The following JAZF1 variants were observed in gnomAD, a reference collection of about 807,000 sequenced individuals.
JAZF1 encodes juxtaposed with another zinc finger protein 1.
In JAZF1, 8 loss-of-function variants were observed where a neutral mutation model predicts 26.4. The ratio of observed to expected loss-of-function variants is 0.30; its 90% CI spans 0.18 to 0.55. The LOEUF is 0.55. Ranked by LOEUF, JAZF1 falls within the 20% of genes least tolerant of loss-of-function variation. The pLI is 0.94. For synonymous variants in JAZF1, 126 were observed against 122.3 expected (o/e 1.03, Z -0.20); for missense variants, 199 against 322.0 (o/e 0.62, Z 2.92).
intron 4 of JAZF1, among the ~76,000 whole-genome samples, chr7:27,836,371 A>G (rs978995382): frequency 4.6e-5 from 7 of 152,180 alleles, no homozygotes; most frequent in Non-Finnish European, 8.8e-5. Flanking sequence ...AGGCCAGTCA[A>G]TAGACAGCAG....
intron 1 of JAZF1, among the ~76,000 whole-genome samples, chr7:28,070,944 CAG>C (rs1783965798): frequency 1.3e-5 from 2 of 152,170 alleles, no homozygotes; most frequent in African/African-American, 4.8e-5. Context: ...ACACACAGAG[CAG>C]ACATTCAATA....
chr7:28,034,467 A>AACACAC (rs1783249785), intron 1 of JAZF1, among the ~76,000 whole-genome samples: 1 of 16,944 alleles, frequency 5.9e-5, no homozygotes, highest in Non-Finnish European at 1.3e-4. Context: ...AAAGAAAACT[A>AACACAC]ATACACACAC....
intron 3 of JAZF1, among the ~76,000 whole-genome samples, chr7:27,868,295 G>A (rs1372018351): frequency 6.6e-6 from 1 of 152,208 alleles, no homozygotes; most frequent in African/African-American, 2.4e-5. Flanking sequence ...TAACACGGGT[G>A]ACCAATTTCT....
rs1403126151 is a variant in JAZF1 at position 28,167,212 on chromosome 7, T to A, written c.115+13251A>T. ...GGCCAAGGTCACGTAGCCTGTGGGA[T>A]TCCAGGGTCATGCATAACCGCTTCA... On this transcript the variant is annotated intron_variant, in intron 1 of 4. Transcript: ENST00000283928. 3.7e-4 allele frequency among the ~76,000 whole-genome samples: 56 copies of A among 152,148 alleles called. 1 individual carries two copies. Among genetic ancestry groups the A allele is most frequent in the Admixed American group, 3.6e-3 (55 of 15,280 alleles).
chr7:27,938,006 G>C (rs1333643189), intron 2 of JAZF1, among the ~76,000 whole-genome samples: 1 of 152,084 alleles, frequency 6.6e-6, no homozygotes, highest in Non-Finnish European at 1.5e-5. Context: ...AGTACATATA[G>C]ATCTACCTCA....
chr7:27,914,809 C>T (rs1194186329), intron 2 of JAZF1: 1 of 471,172 alleles, frequency 2.1e-6, no homozygotes, highest in Non-Finnish European at 4.4e-6. Context: ...CCCAATGTCC[C>T]TACAGGAAAC....
At chr7:27,919,648 AT>A (rs1481872599) in intron 2 of JAZF1, among the ~76,000 whole-genome samples, 1 of 152,202 alleles carries the variant, frequency 6.6e-6, no homozygotes, top group East Asian at 1.9e-4. Flanking sequence ...GGGTGAAGTC[AT>A]ACAAAAGAGG....
intron 3 of JAZF1, among the ~76,000 whole-genome samples, chr7:27,868,384 G>C (rs532079389): frequency 2.4e-4 from 36 of 152,306 alleles, no homozygotes; most frequent in African/African-American, 8.4e-4. Context: ...CTCCCTGTGG[G>C]GTTGACTGCC....
intron 2 of JAZF1, among the ~76,000 whole-genome samples, chr7:27,965,340 G>A (rs148789618): frequency 6.6e-6 from 1 of 152,166 alleles, no homozygotes; most frequent in Non-Finnish European, 1.5e-5. Flanking sequence ...ATTAAAAGAA[G>A]ATCTGAACAT....
chr7:28,111,219 T>G (rs1784657063), intron 1 of JAZF1, among the ~76,000 whole-genome samples: 1 of 152,224 alleles, frequency 6.6e-6, no homozygotes, highest in Non-Finnish European at 1.5e-5. Flanking sequence ...TTAAGTTAAA[T>G]AAATACTTAT....
At chr7:28,117,868 G>A (rs1784771135) in intron 1 of JAZF1, among the ~76,000 whole-genome samples, 2 of 152,116 alleles carry the variant, frequency 1.3e-5, no homozygotes, top group South Asian at 4.1e-4. Flanking sequence ...ACAACTGGGA[G>A]GTCGCTAAAT....
chr7:28,029,112 T>G (rs1783142993), intron 1 of JAZF1, among the ~76,000 whole-genome samples: 1 of 152,158 alleles, frequency 6.6e-6, no homozygotes, highest in African/African-American at 2.4e-5. Flanking sequence ...TTCTAAGGGC[T>G]GCAGTGATTC....
chr7:28,130,738 G>A (rs1284111975), intron 1 of JAZF1, among the ~76,000 whole-genome samples: 1 of 152,204 alleles, frequency 6.6e-6, no homozygotes, highest in Non-Finnish European at 1.5e-5. Context: ...ATGTGATCAG[G>A]AGTCTAATTG....
chr7:27,907,962 G>A (rs1485591690), intron 2 of JAZF1, among the ~76,000 whole-genome samples: 7 of 152,182 alleles, frequency 4.6e-5, no homozygotes, highest in African/African-American at 9.7e-5. Context: ...CTGTGCCATC[G>A]TGGACTTACA....
At chr7:28,137,465 T>G (rs147686066) in intron 1 of JAZF1, among the ~76,000 whole-genome samples, 1,814 of 152,266 alleles carry the variant, frequency 0.012, 19 homozygotes, top group Non-Finnish European at 0.02. Flanking sequence ...AAGGAATCTA[T>G]TTGGAACAAG....
chr7:28,092,976 T>C (rs759257316), intron 1 of JAZF1, among the ~76,000 whole-genome samples: 6 of 152,178 alleles, frequency 3.9e-5, no homozygotes, highest in Admixed American at 2.6e-4. Flanking sequence ...TCCTAAAACA[T>C]ATCCCTGAAA....
intron 2 of JAZF1, among the ~76,000 whole-genome samples, chr7:27,911,862 AG>A (rs1395672280): frequency 5.3e-5 from 8 of 152,206 alleles, no homozygotes; most frequent in Admixed American, 2.0e-4. Flanking sequence ...AAATGGCAGG[AG>A]GAGAGACTGA....
chr7:28,164,843 C>T (rs1214075357), intron 1 of JAZF1, among the ~76,000 whole-genome samples: 1 of 152,188 alleles, frequency 6.6e-6, no homozygotes, highest in Non-Finnish European at 1.5e-5. Flanking sequence ...TATGGGCTCT[C>T]AGTTTGAAAA....
At chr7:27,968,899 T>G (rs1405952530) in intron 2 of JAZF1, among the ~76,000 whole-genome samples, 3 of 152,104 alleles carry the variant, frequency 2.0e-5, no homozygotes, top group Non-Finnish European at 4.4e-5. Flanking sequence ...TTGCTCCAAA[T>G]GAATTTACCC....
Sources: allele counts gnomAD v4.1 joint callset (sites outside exome capture counted in the v4.1 genomes callset), GRCh38; gene constraint gnomAD v4.1.1; transcripts MANE v1.5; gene names NCBI Gene and HGNC (gene_info 2026-07-23, HGNC 2026-07-21).